Variants in PKIB observed in about 807,000 individuals in gnomAD.
The protein encoded by PKIB is PKI-beta.
A neutral mutation model predicts 4.5 loss-of-function variants in PKIB; 2 were observed. That is an observed-to-expected ratio of 0.44 (90% confidence interval 0.18 to 1.39). The LOEUF is 1.39. Among genes scored for constraint, PKIB ranks in the 40% most tolerant of loss-of-function variants. PKIB has a pLI of 0.27. For missense variants in PKIB, 94 were observed against 92.6 expected (o/e 1.02, Z -0.06); for synonymous variants, 38 against 36.0 (o/e 1.06, Z -0.20).
chr6:122,686,446 G>A (rs949848482), intron 3 of PKIB, among the ~76,000 whole-genome samples: 1 of 151,716 alleles, frequency 6.6e-6, no homozygotes, highest in Non-Finnish European at 1.5e-5. Context: ...CCATTTGTAT[G>A]TCTTCTTTTG....
At chr6:122,474,163 C>T (rs956494784) in intron 1 of PKIB, among the ~76,000 whole-genome samples, 1 of 152,094 alleles carries the variant, frequency 6.6e-6, no homozygotes, top group Non-Finnish European at 1.5e-5. Context: ...AAAAGCCATG[C>T]TATCTAATAA....
intron 2 of PKIB, among the ~76,000 whole-genome samples, chr6:122,579,268 A>C (rs1773637638): frequency 6.6e-6 from 1 of 152,152 alleles, no homozygotes; most frequent in Admixed American, 6.5e-5. Flanking sequence ...ATGCCCTGAC[A>C]CAACACCTGC....
At chr6:122,630,728 C>G (rs1775660691) in intron 1 of PKIB, among the ~76,000 whole-genome samples, 2 of 152,156 alleles carry the variant, frequency 1.3e-5, no homozygotes, top group Admixed American at 1.3e-4. Context: ...TTCAATCCAT[C>G]AGCCTGATAA....
At chr6:122,493,536 GATTTT>G (rs1178136141) in intron 2 of PKIB, 30 of 152,110 alleles carry the variant, frequency 2.0e-4, no homozygotes, top group Admixed American at 3.9e-4. Flanking sequence ...GTTTCTAACA[GATTTT>G]ATTTTATTAT....
At chr6:122,665,580 C>T (rs563222243) in intron 2 of PKIB, among the ~76,000 whole-genome samples, 8 of 152,048 alleles carry the variant, frequency 5.3e-5, no homozygotes, top group African/African-American at 1.9e-4. Context: ...GGAGAGAGAC[C>T]TTCAGCTCAA....
chr6:122,516,590 T>A lies in PKIB; in HGVS notation c.-248+38651T>A, dbSNP rs1776761593. 2.6e-5 allele frequency among the ~76,000 whole-genome samples: 4 copies of A among 152,330 alleles called. No homozygotes were observed. In the South Asian group the frequency reaches 8.3e-4, roughly 32 times the overall value. ...TGCCTGTGTTCCCAGTTCTGATTAC[T>A]CTGCTGGAGACTTCCAAGTTGGCCT... On this transcript the variant is annotated intron_variant, in intron 2 of 6. Transcript: ENST00000392491.
intron 2 of PKIB, among the ~76,000 whole-genome samples, chr6:122,561,159 T>C (rs981844372): frequency 6.6e-6 from 1 of 152,002 alleles, no homozygotes; most frequent in Admixed American, 6.6e-5. Flanking sequence ...CTTTCAGTCT[T>C]TTTGATGTAG....
chr6:122,667,391 G>A (rs1777267171), intron 2 of PKIB, among the ~76,000 whole-genome samples: 2 of 152,074 alleles, frequency 1.3e-5, no homozygotes, highest in Admixed American at 1.3e-4. Context: ...CAAAAAATTA[G>A]CTGGGCGTGG....
At chr6:122,613,756 G>T (rs1334274727) in intron 1 of PKIB, among the ~76,000 whole-genome samples, 1 of 151,960 alleles carries the variant, frequency 6.6e-6, no homozygotes, top group Non-Finnish European at 1.5e-5. Flanking sequence ...ACAAGGTCAA[G>T]AGGTAGAGAC....
At chr6:122,495,984 T>G (rs562868349) in intron 2 of PKIB, among the ~76,000 whole-genome samples, 1 of 152,308 alleles carries the variant, frequency 6.6e-6, no homozygotes, top group East Asian at 1.9e-4. Flanking sequence ...ACTTGCCATC[T>G]CTGTATTCAT....
At chr6:122,663,310 C>T (rs745780333) in intron 2 of PKIB, among the ~76,000 whole-genome samples, 8 of 151,998 alleles carry the variant, frequency 5.3e-5, no homozygotes, top group Admixed American at 1.3e-4. Flanking sequence ...AAGATGAATC[C>T]GAGAAAATGT....
At chr6:122,720,165 C>G (rs1192228437) in intron 4 of PKIB, among the ~76,000 whole-genome samples, 1 of 152,142 alleles carries the variant, frequency 6.6e-6, no homozygotes, top group African/African-American at 2.4e-5. Flanking sequence ...AGATTTCCCT[C>G]AGATCTATCC....
chr6:122,635,977 T>C (rs970801735), intron 2 of PKIB, among the ~76,000 whole-genome samples: 1 of 152,140 alleles, frequency 6.6e-6, no homozygotes, highest in Non-Finnish European at 1.5e-5. Flanking sequence ...ACGCAATAAA[T>C]GTTTTAAAAG....
Position 122,698,253 on chromosome 6 carries a change from G to A in PKIB, c.-8-19534G>A, listed in dbSNP as rs1054984377. 6.6e-5 allele frequency among the ~76,000 whole-genome samples: 10 copies of A among 152,102 alleles called. 1 individual carries two copies. The highest frequency in any genetic ancestry group is 2.6e-4 in the Admixed American group (4 of 15,270). ...GCTCTCCAGGTAGCCAAGGACTCTA[G>A]GAAAGGGATGACTTCCCCTAGCACC... On this transcript the variant is annotated intron_variant, in intron 3 of 4. Transcript: ENST00000368452.
chr6:122,678,099 C>T (rs1344956905), intron 3 of PKIB, among the ~76,000 whole-genome samples: 1 of 151,966 alleles, frequency 6.6e-6, no homozygotes, highest in Admixed American at 6.6e-5. Flanking sequence ...GGGGTTTCAC[C>T]GTGTTAGCCA....
chr6:122,573,023 T>C (rs990147694), intron 2 of PKIB, among the ~76,000 whole-genome samples: 9 of 152,122 alleles, frequency 5.9e-5, no homozygotes, highest in Non-Finnish European at 1.0e-4. Context: ...GATGGATTCA[T>C]AGCTGAATTC....
chr6:122,710,363 A>G (rs1779225977), intron 3 of PKIB, among the ~76,000 whole-genome samples: 1 of 152,122 alleles, frequency 6.6e-6, no homozygotes, highest in Non-Finnish European at 1.5e-5. Context: ...GTACAAGCAG[A>G]CCACAAGAAC....
At chr6:122,576,040 C>G (rs576673701) in intron 2 of PKIB, among the ~76,000 whole-genome samples, 2 of 152,254 alleles carry the variant, frequency 1.3e-5, no homozygotes, top group South Asian at 4.1e-4. Flanking sequence ...AAAGACAAAT[C>G]TAATCAATAA....
intron 2 of PKIB, among the ~76,000 whole-genome samples, chr6:122,524,561 A>G (rs1017808900): frequency 6.6e-6 from 1 of 152,046 alleles, no homozygotes; most frequent in African/African-American, 2.4e-5. Context: ...TTGATGTTAC[A>G]TCTTTAAATG....
Sources: gnomAD v4.1 joint callset for allele counts (sites outside exome capture counted in the v4.1 genomes callset) on GRCh38, gnomAD v4.1.1 for gene constraint, MANE v1.5 for transcripts, NCBI Gene and HGNC (gene_info 2026-07-23, HGNC 2026-07-21) for gene names.